Variants in ILDR2 observed in about 807,000 individuals in gnomAD.
ILDR2 encodes the protein immunoglobulin-like domain-containing receptor 2.
A neutral mutation model predicts 66.8 loss-of-function variants in ILDR2; 25 were observed. That is an observed-to-expected ratio of 0.37 (90% CI 0.27 to 0.52). The LOEUF (loss-of-function observed/expected upper bound fraction) is 0.52. Among genes scored for constraint, ILDR2 ranks in the 20% least tolerant of loss-of-function variants. The pLI is 0.88. For missense variants in ILDR2, 827 were observed against 876.8 expected (o/e 0.94, Z 0.72); for synonymous variants, 367 against 357.2 (o/e 1.03, Z -0.31).
chr1:166,930,898 G>A (rs1351372179), intron 6 of ILDR2, among the ~76,000 whole-genome samples: 1 of 152,292 alleles, frequency 6.6e-6, no homozygotes, highest in South Asian at 2.1e-4. Context: ...TCTCTGGGAC[G>A]TATGGTGATG....
chr1:166,900,561 G>T (rs1409006988), intron 2 of ILDR2, among the ~76,000 whole-genome samples: 1 of 152,136 alleles, frequency 6.6e-6, no homozygotes, highest in Non-Finnish European at 1.5e-5. Flanking sequence ...AAGCAGATAG[G>T]GTTGTTATCC....
At chr1:166,937,707 G>A (rs549970466) in intron 4 of ILDR2, among the ~76,000 whole-genome samples, 152 of 152,308 alleles carry the variant, frequency 1.0e-3, no homozygotes, top group Non-Finnish European at 1.7e-3. Flanking sequence ...TCATACTTTA[G>A]AGACTTGGCT....
Position 166,975,389 on chromosome 1 carries a change from G to C in ILDR2, c.-121C>G, listed in dbSNP as rs1663533855. ...GAGCGGCGGGCACCGGGCGTCCCTG[G>C]GCGCAGCGCCCGCCGGGCCGGCCGC... On this transcript the variant is annotated 5_prime_UTR_variant, in exon 1 of 10. Coordinates refer to ENST00000271417, the MANE Select transcript of ILDR2 (RefSeq NM_199351.3). The C allele has an allele frequency of 2.1e-6, 1 of 468,464 alleles. No individual in the cohort carries two copies. The highest frequency in any genetic ancestry group is 2.9e-6 in the Non-Finnish European group (1 of 345,500). 29.0% of individuals were successfully genotyped at this position (468,464 alleles called of 1,614,324 possible).
exon 3 of ILDR2, chr1:166,895,719 T>A (rs1659151791): frequency 6.6e-6 from 1 of 152,202 alleles, no homozygotes; most frequent in Admixed American, 6.5e-5. Flanking sequence ...AGCATATACA[T>A]TTATTTAATA....
At chr1:166,896,880 C>T (rs1053613592) in intron 2 of ILDR2, among the ~76,000 whole-genome samples, 1 of 152,056 alleles carries the variant, frequency 6.6e-6, no homozygotes, top group Non-Finnish European at 1.5e-5. Context: ...GGCGGTCCAC[C>T]CACCTCAGCC....
chr1:166,957,324 C>T (rs887577274), intron 2 of ILDR2, among the ~76,000 whole-genome samples: 2 of 152,212 alleles, frequency 1.3e-5, no homozygotes, highest in Admixed American at 6.5e-5. Flanking sequence ...CCACCTGGGG[C>T]TTGGGCCAAG....
chr1:166,932,234 AT>A (rs1011526363), intron 6 of ILDR2, among the ~76,000 whole-genome samples: 1 of 152,258 alleles, frequency 6.6e-6, no homozygotes, highest in African/African-American at 2.4e-5. Context: ...AAAAGGATCC[AT>A]TAAATTTAGC....
chr1:166,959,399 T>C (rs1571194582), intron 1 of ILDR2, among the ~76,000 whole-genome samples: 1 of 152,114 alleles, frequency 6.6e-6, no homozygotes, highest in African/African-American at 2.4e-5. Flanking sequence ...ATTTGATAAA[T>C]AATGACAATG....
At position 166,914,123 on chromosome 1, in the gene ILDR2, A is replaced by T. The variant is rs536908012; in HGVS notation, c.*5232T>A. On this transcript the variant is annotated 3_prime_UTR_variant, in exon 10 of 10. Coordinates refer to ENST00000271417, the MANE Select transcript of ILDR2 (RefSeq NM_199351.3). ...CAGAGCAAGACCCTGTCTCAAAAAA[A>T]AAAAAAAGAAAGAAAAAGAAAACGA... The T allele has an allele frequency of 7.9e-5, 12 of 152,718 alleles. No individual in the cohort carries two copies. Among genetic ancestry groups the T allele is most frequent in the African/African-American group, 2.7e-4 (11 of 41,500 alleles). 9.5% of individuals were successfully genotyped at this position (152,718 alleles called of 1,614,324 possible). A position where few individuals can be genotyped will look rare whatever the true frequency, so the allele number is the denominator to read the frequency against.
intron 6 of ILDR2, among the ~76,000 whole-genome samples, chr1:166,934,679 C>T (rs1660838673): frequency 1.3e-5 from 2 of 152,212 alleles, no homozygotes. Context: ...TGGACACTGT[C>T]ACATACTCAC....
intron 8 of ILDR2, 34 bp downstream of exon 8, chr1:166,922,559 C>CA: frequency 6.3e-7 from 1 of 1,586,858 alleles, no homozygotes; most frequent in Non-Finnish European, 8.6e-7. Context: ...CCTGCCCCCT[C>CA]ACACCGACCA....
chr1:166,900,759 C>T (rs1659251466), intron 2 of ILDR2, among the ~76,000 whole-genome samples: 1 of 152,118 alleles, frequency 6.6e-6, no homozygotes, highest in Non-Finnish European at 1.5e-5. Context: ...ATATTAATTA[C>T]CTGCAGTTGA....
intron 6 of ILDR2, among the ~76,000 whole-genome samples, chr1:166,932,998 G>A (rs1357454278): frequency 6.6e-6 from 1 of 152,040 alleles, no homozygotes; most frequent in Non-Finnish European, 1.5e-5. Flanking sequence ...GGGACCATGA[G>A]TACAGAAGCA....
intron 2 of ILDR2, among the ~76,000 whole-genome samples, chr1:166,901,724 T>A (rs1659268205): frequency 6.6e-6 from 1 of 152,200 alleles, no homozygotes; most frequent in Non-Finnish European, 1.5e-5. Context: ...AGGGTTTTAT[T>A]TTTCTGCCTT....
chr1:166,942,374 T>A (rs962065964), intron 3 of ILDR2, among the ~76,000 whole-genome samples: 14 of 152,200 alleles, frequency 9.2e-5, no homozygotes, highest in African/African-American at 2.9e-4. Context: ...TAGCTAGAGA[T>A]GTCATCAGGA....
intron 3 of ILDR2, among the ~76,000 whole-genome samples, chr1:166,948,970 C>T (rs1027753597): frequency 6.6e-6 from 1 of 152,234 alleles, no homozygotes; most frequent in Non-Finnish European, 1.5e-5. Flanking sequence ...AACCCATGCT[C>T]ATAGACGTTG....
At chr1:166,964,658 C>T (rs1306198868) in intron 1 of ILDR2, among the ~76,000 whole-genome samples, 1 of 152,034 alleles carries the variant, frequency 6.6e-6, no homozygotes, top group Non-Finnish European at 1.5e-5. Flanking sequence ...CAGCTCTTCT[C>T]CCCCATCTCA....
In ILDR2 at chr1:166,936,782, C is replaced by T. The variant is rs775146755; in HGVS notation, c.557-45G>A. On this transcript the variant is annotated intron_variant, in intron 4 of 9. Coordinates refer to ENST00000271417, the MANE Select transcript of ILDR2 (RefSeq NM_199351.3). The surrounding 1 kb of genome is among the most constrained non-coding windows in gnomAD (Gnocchi z 5.0). The stretch of plus-strand genomic sequence containing the variant: ...AATCCACACTCGAGGCAGCCCACCT[C>T]CAGGGCAGGGTGCACTTTGATTGGC... 6.2e-7 allele frequency: 1 copy of T among 1,602,276 alleles called. No homozygotes were observed. The highest frequency in any genetic ancestry group is 8.5e-7 in the Non-Finnish European group (1 of 1,171,196).
rs1659615386 is a variant in ILDR2 at position 166,915,667 on chromosome 1, T to G, written c.*3688A>C. On this transcript the variant is annotated 3_prime_UTR_variant, in exon 10 of 10. Coordinates refer to ENST00000271417, the MANE Select transcript of ILDR2 (RefSeq NM_199351.3). ...AAAAAAATTGGGTGAGGGGCGGTGG[T>G]AAATTACAACAGTATCTGTGACTTC... 1.3e-5 allele frequency: 2 copies of G among 152,222 alleles called. No homozygotes were observed. The highest frequency in any genetic ancestry group is 1.3e-4 in the Admixed American group (2 of 15,284). The allele number at this position is 152,222 out of a possible 1,614,324, so 9.4% of individuals were successfully genotyped here. A position where few individuals can be genotyped will look rare whatever the true frequency, so the allele number is the denominator to read the frequency against.
Sources: allele counts gnomAD v4.1 joint callset (sites outside exome capture counted in the v4.1 genomes callset), GRCh38; gene constraint gnomAD v4.1.1; non-coding constraint Gnocchi (gnomAD v3.1); transcripts MANE v1.5; gene names NCBI Gene and HGNC (gene_info 2026-07-23, HGNC 2026-07-21).